PABIR3: variants seen among roughly 807,000 people sequenced by gnomAD.
PABIR3 encodes the protein PABIR family member 3.
PABIR3 carries 20 observed loss-of-function variants against 23.1 expected under a neutral mutation model. The observed-to-expected ratio is 0.86, with a 90% confidence interval of 0.61 to 1.26. The LOEUF is 1.26. Ranked by LOEUF, PABIR3 falls within the 50% of genes most tolerant of loss-of-function variation. The pLI is 0.00. For synonymous variants in PABIR3, 69 were observed against 68.5 expected (o/e 1.01, Z -0.04); for missense variants, 189 against 195.4 (o/e 0.97, Z 0.20).
chrX:134,831,622 T>C (rs1160710067), intron 4 of PABIR3: 2 of 111,549 alleles, frequency 1.8e-5, no homozygotes, highest in African/African-American at 3.3e-5. Flanking sequence ...AAGTAATTAA[T>C]TTAATTTTTA....
chrX:134,805,897 CA>C (rs1273594150), upstream of PABIR3, among the ~76,000 whole-genome samples: 158 of 96,108 alleles, frequency 1.6e-3, no homozygotes, highest in African/African-American at 3.4e-3. Context: ...AACTCCGTCT[CA>C]AAAAAAAAAA....
At chrX:134,853,184 C>T (rs1480908940) in intron 10 of PABIR3, among the ~76,000 whole-genome samples, 1 of 111,501 alleles carries the variant, frequency 9.0e-6, no homozygotes, top group Non-Finnish European at 1.9e-5. Flanking sequence ...CCCACCTCAG[C>T]CTCCTGAGTA....
Position 134,854,261 on chromosome X carries a change from C to T in PABIR3, c.*44C>T. On this transcript the variant is annotated 3_prime_UTR_variant, in exon 11 of 11. Coordinates refer to ENST00000645433, the MANE Select transcript of PABIR3 (RefSeq NM_001388447.1). ...AATGATTCACCCATCCCAAGACTTT[C>T]TCACCAGTGGAGAAACACACACATC... The T allele has an allele frequency of 8.5e-7, 1 of 1,173,214 alleles. No individual in the cohort carries two copies. The highest frequency in any genetic ancestry group is 1.1e-6 in the Non-Finnish European group (1 of 875,056).
At chrX:134,850,876 C>G (rs1478705696) in intron 9 of PABIR3, among the ~76,000 whole-genome samples, 1 of 111,522 alleles carries the variant, frequency 9.0e-6, no homozygotes, top group Non-Finnish European at 1.9e-5. Context: ...CTGTATATAC[C>G]ACCTAGTCCA....
At chrX:134,796,436 G>A (rs894772483), upstream of PABIR3, 2 of 371,929 alleles carry the variant, frequency 5.4e-6, no homozygotes, top group African/African-American at 5.4e-5. Flanking sequence ...GGCAGGAGAG[G>A]AGGACGAAGA....
intron 4 of PABIR3, among the ~76,000 whole-genome samples, chrX:134,829,910 C>A (rs1309658855): frequency 1.8e-5 from 2 of 112,256 alleles, no homozygotes; most frequent in Non-Finnish European, 3.8e-5. Context: ...ATCACCACTA[C>A]CCCACAGGTG....
At chrX:134,849,321 G>T (rs955939856) in intron 9 of PABIR3, 93 bp downstream of exon 9, 3 of 354,589 alleles carry the variant, frequency 8.5e-6, no homozygotes, top group Non-Finnish European at 1.2e-5. Flanking sequence ...ATTTTTAAAG[G>T]CTTTATTTAT....
intron 7 of PABIR3, 22 bp from the exon 8 acceptor site, chrX:134,847,861 C>T (rs1366099271): frequency 8.8e-6 from 10 of 1,138,158 alleles, no homozygotes; most frequent in Non-Finnish European, 1.2e-5. Flanking sequence ...GTTTTAAAAC[C>T]TCTGTTCCAA....
chrX:134,840,061 C>T (rs2082169785), intron 4 of PABIR3, among the ~76,000 whole-genome samples: 1 of 112,148 alleles, frequency 8.9e-6, no homozygotes, highest in African/African-American at 3.2e-5. Flanking sequence ...GACCTTACCC[C>T]CAACCCTGTG....
chrX:134,796,448 G>A (rs1157335669), upstream of PABIR3: 1 of 361,822 alleles, frequency 2.8e-6, no homozygotes, highest in Non-Finnish European at 4.8e-6. Context: ...GGACGAAGAG[G>A]TAGTGGTGGA....
At chrX:134,821,226 C>T (rs1184884527) in intron 3 of PABIR3, 49 of 745,476 alleles carry the variant, frequency 6.6e-5, no homozygotes, top group East Asian at 1.5e-4. Flanking sequence ...AATAAAGATG[C>T]GTATTTTCCA....
intron 2 of PABIR3, among the ~76,000 whole-genome samples, chrX:134,814,552 G>A (rs561096933): frequency 9.0e-6 from 1 of 110,550 alleles, no homozygotes. Flanking sequence ...ACAAAAATTA[G>A]CTGGGCATGG....
At chrX:134,841,352 A>G (rs2082226021) in intron 4 of PABIR3, among the ~76,000 whole-genome samples, 2 of 111,515 alleles carry the variant, frequency 1.8e-5, no homozygotes, top group Admixed American at 1.9e-4. Context: ...GAAAATCTTT[A>G]AACTCTTTTG....
At chrX:134,843,562 C>CTTTTTTT (rs140467304) in intron 4 of PABIR3, among the ~76,000 whole-genome samples, 19 of 42,253 alleles carry the variant, frequency 4.5e-4, no homozygotes, top group African/African-American at 7.6e-4. Flanking sequence ...AGGCTTATTT[C>CTTTTTTT]TTTTTTTTTT....
chrX:134,862,692 T>C, the PABIR3 span, among the ~76,000 whole-genome samples: 1 of 112,058 alleles, frequency 8.9e-6, no homozygotes, highest in East Asian at 2.8e-4. Flanking sequence ...GAAACTCATA[T>C]GCAGTTATTA....
chrX:134,810,654 A>T (rs1215576473), intron 2 of PABIR3: 1 of 752,004 alleles, frequency 1.3e-6, no homozygotes, highest in African/African-American at 2.3e-5. Context: ...ATTCATTTTC[A>T]CCTCAGTTCT....
chrX:134,849,887 T>C (rs1031454373), intron 9 of PABIR3, among the ~76,000 whole-genome samples: 16 of 90,285 alleles, frequency 1.8e-4, no homozygotes, highest in African/African-American at 5.9e-4. Flanking sequence ...TTTTTTTTTT[T>C]CTTGAGACAG....
downstream of PABIR3, among the ~76,000 whole-genome samples, chrX:134,857,253 T>A (rs746929466): frequency 1.8e-5 from 2 of 111,268 alleles, no homozygotes; most frequent in African/African-American, 6.5e-5. Flanking sequence ...GGAGAATCCA[T>A]TCCTTGCCTC....
At chrX:134,808,543 G>T (rs2080396499) in intron 2 of PABIR3, among the ~76,000 whole-genome samples, 1 of 111,318 alleles carries the variant, frequency 9.0e-6, no homozygotes, top group African/African-American at 3.3e-5. Context: ...AACACTCCCG[G>T]CTAATTTTTT....
Sources: allele counts gnomAD v4.1 joint callset (sites outside exome capture counted in the v4.1 genomes callset), GRCh38; gene constraint gnomAD v4.1.1; transcripts MANE v1.5; gene names NCBI Gene and HGNC (gene_info 2026-07-23, HGNC 2026-07-21).